PLXNB2: variants seen among roughly 807,000 people sequenced by gnomAD.
PLXNB2 encodes the protein plexin B2, also known as plexin-B2.
PLXNB2 carries 85 observed loss-of-function variants against 202.6 expected under a neutral mutation model. The observed-to-expected ratio is 0.42, with a 90% CI of 0.35 to 0.50. The LOEUF (loss-of-function observed/expected upper bound fraction) is 0.50. Among genes scored for constraint, PLXNB2 ranks in the 20% least tolerant of loss-of-function variants. The pLI, the probability that PLXNB2 is intolerant of heterozygous loss-of-function variation, is 0.02. For synonymous variants in PLXNB2, 1,239 were observed against 1,137.6 expected, an observed-to-expected ratio of 1.09 and a Z score of -1.79; for missense variants, 2,063 against 2,586.2, an observed-to-expected ratio of 0.80 and a Z score of 4.39.
intron 2 of PLXNB2, among the ~76,000 whole-genome samples, chr22:50,292,400 T>C (rs1394819136): frequency 6.6e-6 from 1 of 151,804 alleles, no homozygotes; most frequent in Admixed American, 6.6e-5. Flanking sequence ...AATGCAAATG[T>C]TTCCACATCC....
At chr22:50,303,859 G>A (rs28628372) in intron 1 of PLXNB2, among the ~76,000 whole-genome samples, 3,376 of 152,276 alleles carry the variant, frequency 0.022, 139 homozygotes, top group African/African-American at 0.077. Flanking sequence ...GGCCTGGGCC[G>A]GGACTCAGCT....
At position 50,297,145 on chromosome 22, in the gene PLXNB2, C is replaced by T. The variant is rs551318458; in HGVS notation, c.-73-2367G>A. Reference sequence around the variant, plus strand: ...CGCGGGGACTGGAGACTGCAGCTCCCGACGGAGGTGGCAGCCATGGCGGTG... The same window carrying T: ...CGCGGGGACTGGAGACTGCAGCTCCTGACGGAGGTGGCAGCCATGGCGGTG... On this transcript the variant is annotated intron_variant, in intron 1 of 36. Coordinates refer to ENST00000359337, the MANE Select transcript of PLXNB2 (RefSeq NM_012401.4). The surrounding 1 kb of genome is among the most constrained non-coding windows in gnomAD (Gnocchi z 5.3). 1.7e-4 allele frequency among the ~76,000 whole-genome samples: 26 copies of T among 152,276 alleles called. No homozygotes were observed. The South Asian group carries it at 5.2e-3, about 30-fold the overall frequency.
At chr22:50,276,815 C>A (rs1247769603) in intron 34 of PLXNB2, 27 bp downstream of exon 34, 2 of 1,602,880 alleles carry the variant, frequency 1.2e-6, no homozygotes, top group East Asian at 4.5e-5. Context: ...GGCATGGGGG[C>A]CTGGCCTGGA....
At position 50,284,854 on chromosome 22, in the gene PLXNB2, C is replaced by T. The variant is rs750740479; in HGVS notation, c.2089-189G>A. 5.6e-5 allele frequency: 40 copies of T among 719,252 alleles called. 1 individual carries two copies. Among genetic ancestry groups the T allele is most frequent in the Admixed American group, 5.2e-4 (27 of 51,954 alleles). 44.6% of individuals were successfully genotyped at this position (719,252 alleles called of 1,614,324 possible). A position where few individuals can be genotyped will look rare whatever the true frequency, so the allele number is the denominator to read the frequency against. On this transcript the variant is annotated intron_variant, in intron 11 of 36. Coordinates refer to ENST00000359337, the MANE Select transcript of PLXNB2 (RefSeq NM_012401.4). This position sits in a 1 kb window ranked among gnomAD's most constrained non-coding sequence, Gnocchi z 8.0. ...TCCTGAGCCCAAACACCTGTGTCTGCAGAAGCCTCTGAACGTCCTCTGTGG... is the reference window on the plus strand; with the variant it reads ...TCCTGAGCCCAAACACCTGTGTCTGTAGAAGCCTCTGAACGTCCTCTGTGG...
At chr22:50,293,156 C>T (rs896748568) in intron 2 of PLXNB2, among the ~76,000 whole-genome samples, 5 of 152,240 alleles carry the variant, frequency 3.3e-5, no homozygotes, top group Non-Finnish European at 7.3e-5. Context: ...TACAAGCCCA[C>T]GGGAACCTCT....
rs753611039 is a variant in PLXNB2, at chr22:50,284,163, A to T, written c.2232T>A (p.Ser744=). 6.2e-7 allele frequency: 1 copy of T among 1,612,498 alleles called. No homozygotes were observed. Among genetic ancestry groups the T allele is most frequent in the South Asian group, 1.1e-5 (1 of 91,062 alleles). Reference sequence around the variant, plus strand: ...GCTTGCTGTCGATATTCTTGCCGTAAGACTTGACGTAGAGGTGCAGGGGCA... The same window carrying T: ...GCTTGCTGTCGATATTCTTGCCGTATGACTTGACGTAGAGGTGCAGGGGCA... ...ETLPLHLYVK[S]YGKNIDSKLH... The change falls in exon 13 of 37, where the codon TCT becomes TCA. Residue 744 remains serine (S), a synonymous_variant. Coordinates refer to ENST00000359337, the MANE Select transcript of PLXNB2 (RefSeq NM_012401.4). This position sits in a 1 kb window ranked among gnomAD's most constrained non-coding sequence, Gnocchi z 8.0.
intron 1 of PLXNB2, among the ~76,000 whole-genome samples, chr22:50,306,886 C>T (rs2067903147): frequency 6.6e-6 from 1 of 152,228 alleles, no homozygotes; most frequent in Non-Finnish European, 1.5e-5. Flanking sequence ...GGCGGGCTCC[C>T]CAGATCTGCC....
At chr22:50,275,998 G>T (rs765312834) in intron 35 of PLXNB2, 35 bp from the exon 36 acceptor site, 2 of 1,594,244 alleles carry the variant, frequency 1.3e-6, no homozygotes, top group Non-Finnish European at 1.7e-6. Context: ...GTGGAAAAGG[G>T]GCTGTGGGAG....
In PLXNB2 at chr22:50,282,218, G is replaced by A. The variant is rs576902370; in HGVS notation, c.3083C>T (p.Pro1028Leu). The A allele has an allele frequency of 6.3e-5, 101 of 1,611,878 alleles. No individual in the cohort carries two copies. The highest frequency in any genetic ancestry group is 7.4e-5 in the Non-Finnish European group (87 of 1,179,652). ...CTGCAGGGATTCAGCCTCCCGCGGC[G>A]GCTGCCAGGACTGCAGGGGCTCCGC... ...VIAEPLQSWQ[P>L]PREAESLQPM... The change falls in exon 19 of 37, where the codon CCG (proline) becomes CTG (leucine). Residue 1028 changes from proline (P) to leucine (L), a missense_variant. Coordinates refer to ENST00000359337, the MANE Select transcript of PLXNB2 (RefSeq NM_012401.4).
chr22:50,296,208 A>G (rs1183868208), intron 1 of PLXNB2, among the ~76,000 whole-genome samples: 1 of 149,088 alleles, frequency 6.7e-6, no homozygotes, highest in Admixed American at 6.6e-5. Context: ...ACACACACAC[A>G]CACACACACA....
In PLXNB2 at chr22:50,289,662, C is replaced by G; in HGVS notation, c.923G>C (p.Gly308Ala). The G allele has an allele frequency of 1.9e-6, 3 of 1,609,754 alleles. No individual in the cohort carries two copies. The highest frequency in any genetic ancestry group is 2.5e-6 in the Non-Finnish European group (3 of 1,179,772). The change falls in exon 3 of 37, where the codon GGT becomes GCT. Residue 308 changes from glycine (G) to alanine (A), a missense_variant. Physicochemically the swap from Gly to Ala is moderately conservative, Grantham distance 60. This residue lies in a region of PLXNB2 where 1,303 missense variants were observed against 1,476.8 expected (regional missense o/e 0.88). Transcript: ENST00000359337. The surrounding 1 kb of genome is among the most constrained non-coding windows in gnomAD (Gnocchi z 8.0). The part of the protein sequence containing the change: ...SRDSRSSGGP[G>A]AGLCLFPLDK... ...CAGCGGGAACAGGCAGAGGCCCGCA[C>G]CGGGCCCCCCACTGCTCCGGCTGTC...
At chr22:50,281,245 G>A (rs2065964716) in intron 22 of PLXNB2, 56 bp from the exon 23 acceptor site, 34 of 1,560,010 alleles carry the variant, frequency 2.2e-5, no homozygotes, top group Middle Eastern at 3.4e-4. Flanking sequence ...TCAGCTGCCC[G>A]GATGAGGAGG....
Position 50,277,671 on chromosome 22 carries a change from C to A in PLXNB2, c.5116G>T (p.Glu1706Ter), listed in dbSNP as rs1433328187. 1 of 1,608,612 alleles carries A rather than the reference C, an allele frequency of 6.2e-7. No homozygotes were observed. The highest frequency in any genetic ancestry group is 8.5e-7 in the Non-Finnish European group (1 of 1,176,974). Residue 1706 changes from glutamate (E) to a stop codon, truncating the protein, a stop_gained, in exon 33 of 37, where the codon GAG (glutamate) becomes TAG (stop). Transcript: ENST00000359337. LOFTEE classifies it high-confidence loss of function. ...ACTGACAGCGAGGCGTCCACCACCT[C>A]GTGGACATGCACGTCAAAGATGAAG... is the stretch of plus-strand genomic sequence containing the variant. ...PHFIFDVHVHEVVDASLSVIA... is the reference protein window; with the variant it reads ...PHFIFDVHVH
intron 22 of PLXNB2, 78 bp from the exon 23 acceptor site, chr22:50,281,267 G>A (rs909273423): frequency 7.0e-6 from 11 of 1,570,160 alleles, no homozygotes; most frequent in South Asian, 2.3e-5. Flanking sequence ...GGATCTACAC[G>A]CCTGCCTGTG....
At chr22:50,295,685 C>G (rs752371423) in intron 1 of PLXNB2, among the ~76,000 whole-genome samples, 1 of 152,178 alleles carries the variant, frequency 6.6e-6, no homozygotes, top group African/African-American at 2.4e-5. Context: ...CCAGAGGATA[C>G]TGTGGAAGAC....
rs1426634693 is a variant in PLXNB2 at position 50,289,166 on chromosome 22, G to A, written c.1069-24C>T. On this transcript the variant is annotated intron_variant, in intron 3 of 36. Coordinates refer to ENST00000359337, the MANE Select transcript of PLXNB2 (RefSeq NM_012401.4). This position sits in a 1 kb window ranked among gnomAD's most constrained non-coding sequence, Gnocchi z 8.0. ...CCCTGCGGACCACAGCGTGTCAATG[G>A]CAGGCAGACCCCCTGTCCTGAAGGG... 3 of 1,532,838 alleles carry A rather than the reference G, an allele frequency of 2.0e-6. No homozygotes were observed. Among genetic ancestry groups the A allele is most frequent in the Non-Finnish European group, 2.6e-6 (3 of 1,140,398 alleles). The allele number at this position is 1,532,838 out of a possible 1,614,324, so 95.0% of individuals were successfully genotyped here. A position where few individuals can be genotyped will look rare whatever the true frequency, so the allele number is the denominator to read the frequency against.
chr22:50,287,159 C>T lies in PLXNB2; in HGVS notation c.1714G>A (p.Val572Ile), dbSNP rs768260684. Residue 572 changes from valine (V) to isoleucine (I), a missense_variant, in exon 8 of 37, where the codon GTC becomes ATC. By Grantham distance (29) the Val-to-Ile change is conservative. Around this residue, in one of 2 missense-constraint regions of PLXNB2, gnomAD observed 1,303 missense variants for 1,476.8 expected, o/e 0.88. Coordinates refer to ENST00000359337, the MANE Select transcript of PLXNB2 (RefSeq NM_012401.4). ...ATGCTGCTTGGGGAGTTGCAGATGA[C>T]GGCCTCGCCCTCCACGCGGGCGGGG... ...PHPARVEGEA[V>I]ICNSPSSIPV... is the part of the protein sequence containing the mutation. 1.2e-5 allele frequency: 18 copies of T among 1,545,076 alleles called. No homozygotes were observed. The Admixed American group carries it at 2.8e-4, about 24-fold the overall frequency.
At position 50,283,449 on chromosome 22, in the gene PLXNB2, G is replaced by A. The variant is rs2066169347; in HGVS notation, c.2571-4C>T. On this transcript the variant is annotated splice_region_variant and splice_polypyrimidine_tract_variant and intron_variant, in intron 15 of 36. Transcript: ENST00000359337. ...AGCCTCGATCACACACACGATCCTGGCGGGCGACAGGCAGTGTGGCCCAGG... is the reference window on the plus strand; with the variant it reads ...AGCCTCGATCACACACACGATCCTGACGGGCGACAGGCAGTGTGGCCCAGG... The A allele has an allele frequency of 6.2e-7, 1 of 1,612,498 alleles. No homozygotes were observed. The highest frequency in any genetic ancestry group is 8.5e-7 in the Non-Finnish European group (1 of 1,179,656).
rs1410105568 is a variant in PLXNB2 at position 50,288,573 on chromosome 22, G to T, written c.1380+170C>A. 1.3e-5 allele frequency among the ~76,000 whole-genome samples: 2 copies of T among 152,116 alleles called. No individual in the cohort carries two copies. The highest frequency in any genetic ancestry group is 4.8e-5 in the African/African-American group (2 of 41,432). ...GGGCAGTGCTAGAGAGACACAGGAT[G>T]GAGGCACTGCCCGGGACCCACCCAG... On this transcript the variant is annotated intron_variant, in intron 5 of 36. Coordinates refer to ENST00000359337, the MANE Select transcript of PLXNB2 (RefSeq NM_012401.4). This position sits in a 1 kb window ranked among gnomAD's most constrained non-coding sequence, Gnocchi z 5.0.
Sources: gnomAD v4.1 joint callset for allele counts (sites outside exome capture counted in the v4.1 genomes callset) on GRCh38, gnomAD v4.1.1 for gene constraint, gnomAD v4.1.1 regional missense constraint, Gnocchi (gnomAD v3.1) non-coding constraint, MANE v1.5 for transcripts, NCBI Gene and HGNC (gene_info 2026-07-23, HGNC 2026-07-21) for gene names.